The following COPS2 variants were observed in gnomAD, a reference collection of about 807,000 sequenced individuals.
COPS2 encodes the protein COP9 signalosome subunit 2.
COPS2 carries 10 observed loss-of-function variants against 66.1 expected under a neutral mutation model. The ratio of observed to expected loss-of-function variants is 0.15; its 90% CI spans 0.09 to 0.26. COPS2 has a LOEUF of 0.26. Ranked by LOEUF, COPS2 falls within the 10% of genes least tolerant of loss-of-function variation. The pLI, the probability that COPS2 is intolerant of heterozygous loss-of-function variation, is 1.00. For synonymous variants in COPS2, 179 were observed against 171.3 expected, an observed-to-expected ratio of 1.04 and a Z score of -0.35; for missense variants, 215 against 513.3, an observed-to-expected ratio of 0.42 and a Z score of 5.62.
Position 49,127,291 on chromosome 15 carries a change from G to C in COPS2, c.*659C>G, listed in dbSNP as rs1723932832. The stretch of plus-strand genomic sequence containing the variant: ...GATAAAATAATTTGAAATTTCGAAG[G>C]TACTAAAAAACAAAACAACTCCAAA... On this transcript the variant is annotated 3_prime_UTR_variant, in exon 13 of 13. Transcript: ENST00000388901. The C allele has an allele frequency of 6.6e-6, 1 of 152,156 alleles. No homozygotes were observed. The highest frequency in any genetic ancestry group is 2.4e-5 in the African/African-American group (1 of 41,306). The allele number at this position is 152,156 out of a possible 1,614,324, so 9.4% of individuals were successfully genotyped here.
At chr15:49,133,060 C>T (rs1337560539) in intron 9 of COPS2, among the ~76,000 whole-genome samples, 7 of 149,942 alleles carry the variant, frequency 4.7e-5, no homozygotes, top group Admixed American at 1.3e-4. Flanking sequence ...GCAATCTCAG[C>T]TCACTGCCAC....
rs2084157254 is a variant in COPS2, at chr15:49,125,351, TA to T, written c.*2598del. 2 of 152,162 alleles carry T rather than the reference TA, an allele frequency of 1.3e-5. No homozygotes were observed. Among genetic ancestry groups the T allele is most frequent in the Admixed American group, 1.3e-4 (2 of 15,270 alleles). 9.4% of individuals were successfully genotyped at this position (152,162 alleles called of 1,614,324 possible). ...GTGAGTAATGGAAATCCAGCTCTTG[TA>T]GTAGAGAGCATCTACTTGTGGCAGC... On this transcript the variant is annotated 3_prime_UTR_variant, in exon 13 of 13. Coordinates refer to ENST00000388901, the MANE Select transcript of COPS2 (RefSeq NM_004236.4).
At chr15:49,134,849 G>A (rs926194352) in intron 6 of COPS2, among the ~76,000 whole-genome samples, 18 of 152,006 alleles carry the variant, frequency 1.2e-4, no homozygotes, top group African/African-American at 3.1e-4. Context: ...GTAAGTCCTC[G>A]TTTAACACTG....
At chr15:49,149,128 T>C (rs2243899) in intron 1 of COPS2, among the ~76,000 whole-genome samples, 41,786 of 151,930 alleles carry the variant, frequency 0.28, 6,243 homozygotes, top group East Asian at 0.43. Context: ...TAAAAGGGAT[T>C]AAAAATAAAA....
At chr15:49,130,141 T>G (rs777086077) in intron 10 of COPS2, among the ~76,000 whole-genome samples, 2 of 152,190 alleles carry the variant, frequency 1.3e-5, no homozygotes, top group Non-Finnish European at 2.9e-5. Context: ...CTGATGCATC[T>G]GAAATTTAGT....
intron 9 of COPS2, 36 bp from the exon 10 acceptor site, chr15:49,130,852 T>G (rs774919757): frequency 8.6e-7 from 1 of 1,167,928 alleles, no homozygotes; most frequent in Non-Finnish European, 1.3e-6. Context: ...ATGTCAAACA[T>G]GAAGAAGTTA....
At chr15:49,141,401 G>C (rs184805330) in intron 3 of COPS2, among the ~76,000 whole-genome samples, 1 of 152,158 alleles carries the variant, frequency 6.6e-6, no homozygotes, top group African/African-American at 2.4e-5. Flanking sequence ...GAGGCTGAGG[G>C]AGGAGGATAG....
chr15:49,149,761 A>G (rs541548705), intron 1 of COPS2, among the ~76,000 whole-genome samples: 2 of 152,308 alleles, frequency 1.3e-5, no homozygotes, highest in South Asian at 4.1e-4. Flanking sequence ...TTAGGAAAAC[A>G]ATACTCACCA....
At position 49,137,159 on chromosome 15, in the gene COPS2, C is replaced by G. The variant is rs1360968547; in HGVS notation, c.531G>C (p.Gln177His). The change falls in exon 6 of 13, where the codon CAG (glutamine) becomes CAC (histidine). Residue 177 changes from glutamine (Q) to histidine (H), a missense_variant. Physicochemically the swap from Gln to His is conservative, Grantham distance 24. Transcript: ENST00000388901. ...KLQKILRQLH[Q>H]SCQTDDGEDD... ...AATAAGGGAAAGCTACCTGGCACGA[C>G]TGATGTAACTGGCGTAAAATTTTTT... 1.3e-6 allele frequency: 2 copies of G among 1,594,002 alleles called. No individual in the cohort carries two copies. The highest frequency in any genetic ancestry group is 1.8e-5 in the Admixed American group (1 of 56,044).
intron 1 of COPS2, among the ~76,000 whole-genome samples, chr15:49,145,727 T>C (rs1168267824): frequency 2.0e-5 from 3 of 152,048 alleles, no homozygotes; most frequent in Non-Finnish European, 2.9e-5. Flanking sequence ...TTACATGAGT[T>C]CAATTCTTAG....
At chr15:49,148,204 A>G (rs1295908122) in intron 1 of COPS2, among the ~76,000 whole-genome samples, 2 of 152,218 alleles carry the variant, frequency 1.3e-5, no homozygotes, top group Non-Finnish European at 2.9e-5. Flanking sequence ...ATATGCCAGC[A>G]ATTAATTATT....
intron 3 of COPS2, among the ~76,000 whole-genome samples, chr15:49,141,744 GA>G (rs1319974792): frequency 6.6e-6 from 1 of 152,086 alleles, no homozygotes; most frequent in Non-Finnish European, 1.5e-5. Context: ...TCACTCTTGT[GA>G]ACCATAACTT....
intron 1 of COPS2, among the ~76,000 whole-genome samples, chr15:49,152,175 A>G (rs939629765): frequency 4.0e-4 from 59 of 146,842 alleles, no homozygotes; most frequent in Admixed American, 1.6e-3. Flanking sequence ...TAAGAAACAT[A>G]AAAAAAAAAA....
At chr15:49,146,244 G>A (rs2084320547) in intron 1 of COPS2, among the ~76,000 whole-genome samples, 1 of 152,096 alleles carries the variant, frequency 6.6e-6, no homozygotes, top group South Asian at 2.1e-4. Context: ...GAGTCTGTCA[G>A]TCTTACAGAT....
rs1182065017 is a variant in COPS2 at position 49,125,866 on chromosome 15, C to T, written c.*2084G>A. Reference sequence around the variant, plus strand: ...CTTTCTCTCTAGAAAGTGGAAGATGCACTATTGTACAAAGCAAAGATAGCA... The same window carrying T: ...CTTTCTCTCTAGAAAGTGGAAGATGTACTATTGTACAAAGCAAAGATAGCA... On this transcript the variant is annotated 3_prime_UTR_variant, in exon 13 of 13. Transcript: ENST00000388901. 1 of 152,056 alleles carries T rather than the reference C, an allele frequency of 6.6e-6. No individual in the cohort carries two copies. Among genetic ancestry groups the T allele is most frequent in the Non-Finnish European group, 1.5e-5 (1 of 67,924 alleles). 9.4% of individuals were successfully genotyped at this position (152,056 alleles called of 1,614,324 possible).
intron 6 of COPS2, among the ~76,000 whole-genome samples, chr15:49,135,697 T>C (rs182318838): frequency 3.3e-5 from 5 of 152,322 alleles, no homozygotes; most frequent in African/African-American, 9.6e-5. Context: ...CCAAAATTTA[T>C]TGGGTCTTCA....
chr15:49,133,536 C>G (rs373043194), intron 9 of COPS2, among the ~76,000 whole-genome samples: 2 of 136,214 alleles, frequency 1.5e-5, no homozygotes, highest in East Asian at 4.3e-4. Context: ...GACAGACACA[C>G]ACACATGGAT....
rs1163462750 is a variant in COPS2 at position 49,123,313 on chromosome 15, T to G, written c.*4637A>C. 1 of 152,218 alleles carries G rather than the reference T, an allele frequency of 6.6e-6. No individual in the cohort carries two copies. Among genetic ancestry groups the G allele is most frequent in the African/African-American group, 2.4e-5 (1 of 41,466 alleles). The allele number at this position is 152,218 out of a possible 1,614,324, so 9.4% of individuals were successfully genotyped here. On this transcript the variant is annotated 3_prime_UTR_variant, in exon 13 of 13. Coordinates refer to ENST00000388901, the MANE Select transcript of COPS2 (RefSeq NM_004236.4). ...TAAAACAACCTTTAGCAATTAATTT[T>G]AAAATGCCCTTACTTCAGAATTAAA... is the stretch of plus-strand genomic sequence containing the variant.
intron 3 of COPS2, among the ~76,000 whole-genome samples, chr15:49,140,146 C>T (rs537663246): frequency 3.0e-4 from 45 of 151,974 alleles, no homozygotes; most frequent in African/African-American, 9.4e-4. Flanking sequence ...GCCACCACAC[C>T]GGGCTAATTT....
Sources: allele counts gnomAD v4.1 joint callset (sites outside exome capture counted in the v4.1 genomes callset), GRCh38; gene constraint gnomAD v4.1.1; transcripts MANE v1.5; gene names NCBI Gene and HGNC (gene_info 2026-07-23, HGNC 2026-07-21).